ZDHHC17: variants seen among roughly 807,000 people sequenced by gnomAD.
The protein encoded by ZDHHC17 is palmitoyltransferase ZDHHC17.
In ZDHHC17, 40 loss-of-function variants were observed where a neutral mutation model predicts 90.3. That is an observed-to-expected ratio of 0.44 (90% CI 0.34 to 0.58). ZDHHC17 has a LOEUF of 0.58. Ranked by LOEUF, ZDHHC17 falls within the 20% of genes least tolerant of loss-of-function variation. The pLI is 0.01. For missense variants in ZDHHC17, 614 were observed against 780.8 expected, an observed-to-expected ratio of 0.79 and a Z score of 2.55; for synonymous variants, 235 against 252.4, an observed-to-expected ratio of 0.93 and a Z score of 0.65.
At chr12:76,781,133 C>CAAAAAAA (rs33935444) in intron 1 of ZDHHC17, among the ~76,000 whole-genome samples, 1 of 92,378 alleles carries the variant, frequency 1.1e-5, no homozygotes, top group Non-Finnish European at 2.0e-5. Flanking sequence ...GACTCCGTCT[C>CAAAAAAA]AAAAAAAAAA....
chr12:76,780,190 T>G (rs964990329), intron 1 of ZDHHC17, among the ~76,000 whole-genome samples: 1 of 152,242 alleles, frequency 6.6e-6, no homozygotes, highest in Admixed American at 6.5e-5. Context: ...TTGCTGGGAT[T>G]CTGATATTAA....
At chr12:76,819,866 G>C (rs544184588) in intron 7 of ZDHHC17, among the ~76,000 whole-genome samples, 1 of 151,978 alleles carries the variant, frequency 6.6e-6, no homozygotes, top group African/African-American at 2.4e-5. Flanking sequence ...GGTGGTACAT[G>C]TCTGTAATCC....
Position 76,829,870 on chromosome 12 carries a change from C to T in ZDHHC17, c.1141+1380C>T, listed in dbSNP as rs74814320. On this transcript the variant is annotated intron_variant, in intron 10 of 16. Transcript: ENST00000426126. ...AATTTTAATTTTTTTAACCTGTTCC[C>T]CAGGTTGGAGTGCAGTGGCACAATC... Among the ~76,000 whole-genome samples, 1,038 of 152,084 alleles carry T rather than the reference C, an allele frequency of 6.8e-3. 18 individuals carry two copies. The highest frequency in any genetic ancestry group is 0.024 in the African/African-American group (1,003 of 41,486).
intron 1 of ZDHHC17, among the ~76,000 whole-genome samples, chr12:76,790,554 A>G (rs892936092): frequency 6.6e-6 from 1 of 152,186 alleles, no homozygotes. Context: ...ATTATAATAC[A>G]CTGCATACAA....
chr12:76,804,716 C>A (rs1384139115), intron 2 of ZDHHC17, among the ~76,000 whole-genome samples: 1 of 152,192 alleles, frequency 6.6e-6, no homozygotes, highest in Admixed American at 6.5e-5. Context: ...TAGTACTCGA[C>A]CAGTGAGGAG....
intron 2 of ZDHHC17, among the ~76,000 whole-genome samples, chr12:76,804,265 A>G (rs955156046): frequency 6.6e-6 from 1 of 152,218 alleles, no homozygotes; most frequent in African/African-American, 2.4e-5. Context: ...ACAGAGATTA[A>G]TTAAGACAGC....
chr12:76,830,042 G>A (rs1315853641), intron 10 of ZDHHC17, among the ~76,000 whole-genome samples: 1 of 146,314 alleles, frequency 6.8e-6, no homozygotes, highest in Non-Finnish European at 1.5e-5. Context: ...GTGCCTGTGT[G>A]CCAATAAAGA....
intron 7 of ZDHHC17, among the ~76,000 whole-genome samples, chr12:76,818,388 A>G (rs886737746): frequency 4.6e-5 from 7 of 152,190 alleles, no homozygotes; most frequent in African/African-American, 1.4e-4. Context: ...TTCTTATTCA[A>G]TGGTGGGTGG....
intron 3 of ZDHHC17, among the ~76,000 whole-genome samples, chr12:76,806,651 A>G (rs1952957177): frequency 6.6e-6 from 1 of 152,170 alleles, no homozygotes; most frequent in Admixed American, 6.5e-5. Context: ...CTGGGATTAC[A>G]GGCGTGAGCC....
At chr12:76,822,009 T>A (rs1034114070) in intron 7 of ZDHHC17, among the ~76,000 whole-genome samples, 2 of 152,182 alleles carry the variant, frequency 1.3e-5, no homozygotes, top group Non-Finnish European at 2.9e-5. Context: ...GAAATAAAAC[T>A]GAGAGATTTC....
chr12:76,774,276 A>ATGTGTATGTGTATGTG (rs1186324739), intron 1 of ZDHHC17, among the ~76,000 whole-genome samples: 2 of 151,660 alleles, frequency 1.3e-5, no homozygotes, highest in African/African-American at 4.8e-5. Context: ...GTGTATGTGT[A>ATGTGTATGTGTATGTG]TGTGTATGTG....
At chr12:76,837,936 T>C (rs1261663846) in intron 10 of ZDHHC17, among the ~76,000 whole-genome samples, 1 of 152,146 alleles carries the variant, frequency 6.6e-6, no homozygotes, top group Non-Finnish European at 1.5e-5. Context: ...TATAGGTGCA[T>C]GCCACCATGT....
chr12:76,807,526 G>T (rs1227256550), intron 3 of ZDHHC17, among the ~76,000 whole-genome samples: 1 of 152,156 alleles, frequency 6.6e-6, no homozygotes, highest in African/African-American at 2.4e-5. Context: ...TCAGAAGTTT[G>T]TAGTTTTGAG....
intron 1 of ZDHHC17, among the ~76,000 whole-genome samples, chr12:76,774,331 C>A (rs1952533357): frequency 6.7e-6 from 1 of 150,030 alleles, no homozygotes; most frequent in African/African-American, 2.5e-5. Flanking sequence ...CATATATATA[C>A]ATACACACAC....
intron 6 of ZDHHC17, 83 bp from the exon 7 acceptor site, chr12:76,815,771 CATA>C (rs1167922699): frequency 2.2e-6 from 3 of 1,337,576 alleles, no homozygotes; most frequent in Non-Finnish European, 2.9e-6. Flanking sequence ...CTACTGTAAG[CATA>C]ATCAGTTTAG....
rs760338699 is a variant in ZDHHC17 at position 76,809,017 on chromosome 12, AAAT to A, written c.321-25_321-23del. On this transcript the variant is annotated intron_variant, in intron 3 of 16. Transcript: ENST00000426126. Reference sequence around the variant, plus strand: ...TTAAAATTGAAAATGAAAGTTATTTAAATTATTATAAATTTTGTCTTATAGATA... The same window carrying A: ...TTAAAATTGAAAATGAAAGTTATTTATATTATAAATTTTGTCTTATAGATA... 1.8e-5 allele frequency: 25 copies of A among 1,364,592 alleles called. No individual in the cohort carries two copies. In the East Asian group the frequency reaches 7.1e-4, roughly 39 times the overall value. The allele number at this position is 1,364,592 out of a possible 1,614,324, so 84.5% of individuals were successfully genotyped here. A position where few individuals can be genotyped will look rare whatever the true frequency, so the allele number is the denominator to read the frequency against.
intron 1 of ZDHHC17, among the ~76,000 whole-genome samples, chr12:76,796,173 T>G (rs896998952): frequency 2.0e-5 from 3 of 152,182 alleles, no homozygotes; most frequent in Non-Finnish European, 2.9e-5. Flanking sequence ...TTGGTATGAT[T>G]AAGTATCAGT....
intron 16 of ZDHHC17, among the ~76,000 whole-genome samples, chr12:76,850,213 C>T (rs1953546913): frequency 2.6e-5 from 4 of 151,900 alleles, no homozygotes; most frequent in South Asian, 2.1e-4. Context: ...ACCACTGGTG[C>T]GCACCTGGCC....
intron 2 of ZDHHC17, among the ~76,000 whole-genome samples, chr12:76,804,606 A>G (rs1279641473): frequency 6.6e-6 from 1 of 152,234 alleles, no homozygotes; most frequent in African/African-American, 2.4e-5. Context: ...ATAAAAGGGA[A>G]GAAAGTTTCA....
Sources: allele counts gnomAD v4.1 joint callset (sites outside exome capture counted in the v4.1 genomes callset), GRCh38; gene constraint gnomAD v4.1.1; transcripts MANE v1.5; gene names NCBI Gene and HGNC (gene_info 2026-07-23, HGNC 2026-07-21).